PTBP3: variants seen among roughly 807,000 people sequenced by gnomAD.
PTBP3 encodes polypyrimidine tract-binding protein 3.
Under a neutral mutation model 58.7 loss-of-function variants are expected in PTBP3, and 20 were observed. The ratio of observed to expected loss-of-function variants is 0.34; its 90% CI spans 0.24 to 0.50. PTBP3 has a LOEUF of 0.50. Ranked by LOEUF, PTBP3 falls within the 20% of genes least tolerant of loss-of-function variation. The pLI is 0.98. For missense variants in PTBP3, 509 were observed against 637.2 expected, an observed-to-expected ratio of 0.80 and a Z score of 2.17; for synonymous variants, 185 against 219.8, an observed-to-expected ratio of 0.84 and a Z score of 1.40.
rs188055426 is a variant in PTBP3 at position 112,325,199 on chromosome 9, A to C, written c.-52+8271T>G. The stretch of plus-strand genomic sequence containing the variant: ...GGGAAGGGTCCCCGGAGAACCTTCG[A>C]CCTGCCCAGGTCATCATGCACAGGA... On this transcript the variant is annotated intron_variant, in intron 1 of 13. Transcript: ENST00000374257. Among the ~76,000 whole-genome samples the C allele has an allele frequency of 7.4e-3, 1,120 of 152,350 alleles. 45 individuals are homozygous for C. Among genetic ancestry groups the C allele is most frequent in the Admixed American group, 0.061 (930 of 15,294 alleles).
the PTBP3 span, among the ~76,000 whole-genome samples, chr9:112,359,940 T>C: frequency 6.6e-6 from 1 of 152,188 alleles, no homozygotes; most frequent in African/African-American, 2.4e-5. Flanking sequence ...CTTAGACACA[T>C]GCCAAATGTT....
chr9:112,333,403 C>T, intron 1 of PTBP3, 67 bp downstream of exon 1: 1 of 1,540,206 alleles, frequency 6.5e-7, no homozygotes, highest in African/African-American at 1.4e-5. Context: ...TTACGCGTCC[C>T]GCGGAGAGCC....
chr9:112,262,364 G>C (rs1836631981), intron 5 of PTBP3, 71 bp downstream of exon 5: 1 of 1,262,590 alleles, frequency 7.9e-7, no homozygotes, highest in African/African-American at 1.6e-5. Flanking sequence ...AAACAACTTA[G>C]ATATAAAACA....
chr9:112,333,114 AG>A, intron 1 of PTBP3: 1 of 1,257,508 alleles, frequency 8.0e-7, no homozygotes, highest in South Asian at 2.9e-5. Context: ...ATTTTCTGAG[AG>A]GAAGTGTCGG....
At chr9:112,317,148 G>A (rs528024175) in intron 1 of PTBP3, among the ~76,000 whole-genome samples, 4 of 152,156 alleles carry the variant, frequency 2.6e-5, no homozygotes, top group African/African-American at 7.2e-5. Flanking sequence ...AGCTGGGCAC[G>A]GTGGGAGGAC....
At chr9:112,320,314 A>ATATATTTTTT in intron 1 of PTBP3, among the ~76,000 whole-genome samples, 76 of 75,682 alleles carry the variant, frequency 1.0e-3, no homozygotes, top group African/African-American at 3.2e-3. Context: ...ATATATATAT[A>ATATATTTTTT]TTTTTTTTTA....
chr9:112,308,811 T>G (rs2132374456), intron 1 of PTBP3, among the ~76,000 whole-genome samples: 1 of 151,796 alleles, frequency 6.6e-6, no homozygotes, highest in Non-Finnish European at 1.5e-5. Context: ...TTTACATAAG[T>G]CCAGCAGTTG....
chr9:112,312,477 T>G (rs77591962), intron 1 of PTBP3, among the ~76,000 whole-genome samples: 1 of 78,688 alleles, frequency 1.3e-5, no homozygotes, highest in African/African-American at 5.8e-5. Flanking sequence ...CGAGACCTTG[T>G]TTTTTTTTTT....
chr9:112,289,599 AG>A (rs1828288155), intron 2 of PTBP3, among the ~76,000 whole-genome samples: 1 of 152,174 alleles, frequency 6.6e-6, no homozygotes, highest in East Asian at 1.9e-4. Flanking sequence ...TGGGGAACAC[AG>A]GGAGACCCAG....
At chr9:112,345,411 T>C in the PTBP3 span, among the ~76,000 whole-genome samples, 7 of 141,870 alleles carry the variant, frequency 4.9e-5, no homozygotes, top group Non-Finnish European at 7.6e-5. Context: ...AGTCTTACTC[T>C]GTCACCCAGG....
At chr9:112,278,360 T>C (rs1589857053) in intron 2 of PTBP3, among the ~76,000 whole-genome samples, 1 of 152,114 alleles carries the variant, frequency 6.6e-6, no homozygotes, top group Admixed American at 6.5e-5. Flanking sequence ...CCTGCAGGCA[T>C]AGAGAGCTAA....
chr9:112,324,029 G>GT (rs1479119111), intron 1 of PTBP3, among the ~76,000 whole-genome samples: 1 of 151,894 alleles, frequency 6.6e-6, no homozygotes, highest in Non-Finnish European at 1.5e-5. Flanking sequence ...AAAAAACACC[G>GT]TACCTATGGA....
At chr9:112,353,982 T>G in the PTBP3 span, among the ~76,000 whole-genome samples, 1 of 152,044 alleles carries the variant, frequency 6.6e-6, no homozygotes, top group Admixed American at 6.6e-5. Context: ...ATATAGATGC[T>G]TATAATATTG....
chr9:112,271,953 G>A (rs1827403666), intron 3 of PTBP3, among the ~76,000 whole-genome samples: 1 of 152,076 alleles, frequency 6.6e-6, no homozygotes. Flanking sequence ...AGGAAAAACT[G>A]AGCTGGCAAA....
rs56052359 is a variant in PTBP3, at chr9:112,244,289, C to CAAAAAAAAAAAAAAAAAAAAAA, written c.802+6639_802+6640insTTTTTTTTTTTTTTTTTTTTTT. Among the ~76,000 whole-genome samples, 51 of 36,286 alleles carry CAAAAAAAAAAAAAAAAAAAAAA rather than the reference C, an allele frequency of 1.4e-3. 10 individuals carry two copies. Among genetic ancestry groups the CAAAAAAAAAAAAAAAAAAAAAA allele is most frequent in the Admixed American group, 2.4e-3 (7 of 2,934 alleles). 23.8% of individuals were successfully genotyped at this position (36,286 alleles called of 152,430 possible). A position where few individuals can be genotyped will look rare whatever the true frequency, so the allele number is the denominator to read the frequency against. Reference sequence around the variant, plus strand: ...TGGGCAACAGAGTGAGACTCTGTCTCAAAAAAAAAAAAAAAAAAGTTCTCA... The same window carrying CAAAAAAAAAAAAAAAAAAAAAA: ...TGGGCAACAGAGTGAGACTCTGTCTCAAAAAAAAAAAAAAAAAAAAAAAAAAAAAAAAAAAAAAAAGTTCTCA... On this transcript the variant is annotated intron_variant, in intron 7 of 13. Coordinates refer to ENST00000374257, the MANE Select transcript of PTBP3 (RefSeq NM_001163788.4).
chr9:112,222,026 G>A lies in PTBP3; in HGVS notation c.*1825C>T, dbSNP rs770622383. On this transcript the variant is annotated 3_prime_UTR_variant, in exon 14 of 14. Transcript: ENST00000374257. The stretch of plus-strand genomic sequence containing the variant: ...ACTCCTGGGCTCAAGTGATCCTCCT[G>A]CCTGTAGCCTCCTGCCTACAGGCTC... 1.3e-5 allele frequency: 12 copies of A among 939,688 alleles called. No homozygotes were observed. Among genetic ancestry groups the A allele is most frequent in the Non-Finnish European group, 1.5e-5 (12 of 787,980 alleles). The allele number at this position is 939,688 out of a possible 1,614,324, so 58.2% of individuals were successfully genotyped here.
intron 7 of PTBP3, among the ~76,000 whole-genome samples, chr9:112,236,052 A>G (rs957239964): frequency 6.6e-6 from 1 of 152,100 alleles, no homozygotes; most frequent in Admixed American, 6.6e-5. Flanking sequence ...TGCTTTTTCA[A>G]TGATAGGGAG....
At chr9:112,236,694 A>G (rs1355909094) in intron 7 of PTBP3, among the ~76,000 whole-genome samples, 5 of 152,180 alleles carry the variant, frequency 3.3e-5, no homozygotes, top group Non-Finnish European at 5.9e-5. Flanking sequence ...TGCAGTTCAC[A>G]CTGGGCTTGA....
upstream of PTBP3, among the ~76,000 whole-genome samples, chr9:112,333,919 C>A (rs1360718304): frequency 2.7e-5 from 4 of 148,934 alleles, no homozygotes; most frequent in Admixed American, 6.6e-5. Context: ...TTGTGCTTCC[C>A]GCTCCGCCGC....
Sources: allele counts gnomAD v4.1 joint callset (sites outside exome capture counted in the v4.1 genomes callset), GRCh38; gene constraint gnomAD v4.1.1; transcripts MANE v1.5; gene names NCBI Gene and HGNC (gene_info 2026-07-23, HGNC 2026-07-21).